Variants in NREP observed in about 807,000 individuals in gnomAD.
NREP encodes neuronal regeneration related protein, also known as neuronal regeneration-related protein.
Under a neutral mutation model 8.6 loss-of-function variants are expected in NREP, and 5 were observed. The ratio of observed to expected loss-of-function variants is 0.58; its 90% confidence interval spans 0.30 to 1.22. NREP has a LOEUF of 1.22. Among genes scored for constraint, NREP ranks in the 50% most tolerant of loss-of-function variants. NREP has a pLI of 0.07. For synonymous variants in NREP, 27 were observed against 28.0 expected (o/e 0.96, Z 0.11); for missense variants, 86 against 82.5 (o/e 1.04, Z -0.17).
rs571305940 is a variant in NREP, at chr5:111,942,124, A to T, written c.135+33150T>A. 4.6e-5 allele frequency among the ~76,000 whole-genome samples: 7 copies of T among 152,180 alleles called. No individual in the cohort carries two copies. In the South Asian group the frequency reaches 1.5e-3, roughly 32 times the overall value. On this transcript the variant is annotated intron_variant, in intron 2 of 3. Coordinates refer to the NREP transcript ENST00000395634. ...AAAACAGTTATATTAACTTAGCTTC[A>T]CAAAAGTTATTTTCTTATGGTAACC...
At chr5:111,731,219 G>A (rs1748529659) in intron 3 of NREP, among the ~76,000 whole-genome samples, 173 bp from the exon 4 acceptor site, 1 of 152,164 alleles carries the variant, frequency 6.6e-6, no homozygotes, top group South Asian at 2.1e-4. Context: ...TCACCTGAAT[G>A]TAAATATTAG....
At chr5:111,752,464 G>A (rs952718305) in intron 2 of NREP, among the ~76,000 whole-genome samples, 2 of 152,132 alleles carry the variant, frequency 1.3e-5, no homozygotes, top group African/African-American at 4.8e-5. Flanking sequence ...TGAGCAACTG[G>A]TATATTTACA....
chr5:111,745,525 A>T (rs1008204260), intron 2 of NREP, among the ~76,000 whole-genome samples: 12 of 152,156 alleles, frequency 7.9e-5, no homozygotes, highest in Admixed American at 4.6e-4. Flanking sequence ...GTTTTATATG[A>T]CCCCCAAATG....
intron 2 of NREP, among the ~76,000 whole-genome samples, chr5:111,830,369 G>A (rs1385798207): frequency 6.6e-6 from 1 of 152,202 alleles, no homozygotes; most frequent in Admixed American, 6.5e-5. Flanking sequence ...TAAACAAAAG[G>A]TGCCACTGGA....
chr5:111,880,876 C>A (rs1300292969), intron 2 of NREP, among the ~76,000 whole-genome samples: 2 of 151,520 alleles, frequency 1.3e-5, no homozygotes, highest in East Asian at 1.9e-4. Flanking sequence ...CAGCTCCGTT[C>A]TACAGCTCCC....
intron 2 of NREP, among the ~76,000 whole-genome samples, chr5:111,788,701 A>T (rs1323204090): frequency 6.6e-6 from 1 of 152,214 alleles, no homozygotes; most frequent in Admixed American, 6.5e-5. Context: ...TCAAAATTAC[A>T]CACATGGTGA....
At chr5:111,933,455 T>A (rs894301599) in intron 2 of NREP, among the ~76,000 whole-genome samples, 1 of 152,138 alleles carries the variant, frequency 6.6e-6, no homozygotes, top group East Asian at 1.9e-4. Flanking sequence ...TCTAATACTA[T>A]AACAATTGCA....
chr5:111,769,428 G>A (rs993652890), intron 2 of NREP, among the ~76,000 whole-genome samples: 9 of 152,162 alleles, frequency 5.9e-5, no homozygotes, highest in Non-Finnish European at 7.3e-5. Context: ...CAAAATGACC[G>A]GGCAAAGAAT....
intron 2 of NREP, among the ~76,000 whole-genome samples, chr5:111,963,385 T>C (rs1298269659): frequency 6.6e-6 from 1 of 152,214 alleles, no homozygotes; most frequent in Admixed American, 6.5e-5. Context: ...CTCTTGACCA[T>C]AAGCTACAGG....
At chr5:111,936,438 G>T (rs1240870984) in intron 2 of NREP, among the ~76,000 whole-genome samples, 2 of 152,020 alleles carry the variant, frequency 1.3e-5, no homozygotes, top group Non-Finnish European at 2.9e-5. Flanking sequence ...CAGCCATGTG[G>T]AATTATGAGT....
intron 2 of NREP, among the ~76,000 whole-genome samples, chr5:111,952,758 A>G (rs1364176441): frequency 6.6e-6 from 1 of 152,086 alleles, no homozygotes; most frequent in Non-Finnish European, 1.5e-5. Context: ...ATCAATGTCA[A>G]TCTCTTGATT....
intron 2 of NREP, among the ~76,000 whole-genome samples, chr5:111,861,389 A>G (rs2112481670): frequency 6.6e-6 from 1 of 152,306 alleles, no homozygotes; most frequent in East Asian, 1.9e-4. Context: ...AAGGTGCTAA[A>G]GGCAAAGAGA....
Position 111,885,533 on chromosome 5 carries a change from A to T in NREP, c.135+89741T>A, listed in dbSNP as rs562987686. Among the ~76,000 whole-genome samples the T allele has an allele frequency of 3.5e-4, 53 of 152,348 alleles. No homozygotes were observed. The South Asian group carries it at 0.011, about 31-fold the overall frequency. On this transcript the variant is annotated intron_variant, in intron 2 of 3. Coordinates refer to the NREP transcript ENST00000395634. ...GCATCACCAAGTCCTAAGCCAAAAGAACAAAGCTGGAGGCATCACGCTACC... is the reference window on the plus strand; with the variant it reads ...GCATCACCAAGTCCTAAGCCAAAAGTACAAAGCTGGAGGCATCACGCTACC...
At chr5:111,811,678 C>T (rs1186181609) in intron 2 of NREP, among the ~76,000 whole-genome samples, 1 of 152,120 alleles carries the variant, frequency 6.6e-6, no homozygotes, top group Non-Finnish European at 1.5e-5. Flanking sequence ...GATATTTATT[C>T]TTCTCTTGAT....
At position 111,958,245 on chromosome 5, in the gene NREP, TATA is replaced by T. The variant is rs200735172; in HGVS notation, c.135+17026_135+17028del. Among the ~76,000 whole-genome samples the T allele has an allele frequency of 5.9e-3, 890 of 152,008 alleles. 8 individuals carry two copies. Among genetic ancestry groups the T allele is most frequent in the African/African-American group, 0.021 (854 of 41,568 alleles). Reference sequence around the variant, plus strand: ...TTAAGAATTAAAACAGTTGATGAATTATAATACTATAATTTTAATTTTTCTAAT... The same window carrying T: ...TTAAGAATTAAAACAGTTGATGAATTATACTATAATTTTAATTTTTCTAAT... On this transcript the variant is annotated intron_variant, in intron 2 of 3. Transcript: ENST00000395634.
At chr5:111,961,931 A>G (rs765061306) in intron 2 of NREP, among the ~76,000 whole-genome samples, 14 of 152,240 alleles carry the variant, frequency 9.2e-5, no homozygotes, top group Non-Finnish European at 2.1e-4. Flanking sequence ...GTCAGTGAGC[A>G]ATTAGCTAAA....
At chr5:111,918,109 T>C (rs1416947955) in intron 2 of NREP, among the ~76,000 whole-genome samples, 2 of 152,092 alleles carry the variant, frequency 1.3e-5, no homozygotes, top group African/African-American at 4.8e-5. Context: ...CCATTCACGA[T>C]TGCTACAAAA....
chr5:111,926,292 C>A (rs1359377225), intron 2 of NREP, among the ~76,000 whole-genome samples: 1 of 152,042 alleles, frequency 6.6e-6, no homozygotes, highest in African/African-American at 2.4e-5. Flanking sequence ...ATAATGGGGA[C>A]AAGAGGAGCT....
chr5:111,964,868 A>ATAAAT (rs770830752), intron 2 of NREP, among the ~76,000 whole-genome samples: 23 of 109,324 alleles, frequency 2.1e-4, no homozygotes, highest in Non-Finnish European at 3.0e-4. Context: ...AAAAAAAAAA[A>ATAAAT]AAAAAAAAAA....
Sources: allele counts gnomAD v4.1 joint callset (sites outside exome capture counted in the v4.1 genomes callset), GRCh38; gene constraint gnomAD v4.1.1; transcripts MANE v1.5; gene names NCBI Gene and HGNC (gene_info 2026-07-23, HGNC 2026-07-21).